Variants in AXIN1 observed in about 807,000 individuals in gnomAD.
AXIN1 encodes the protein axin 1.
A neutral mutation model predicts 76.4 loss-of-function variants in AXIN1; 30 were observed. The observed-to-expected ratio is 0.39, with a 90% CI of 0.29 to 0.53. The LOEUF is 0.53. AXIN1 is among the 20% of genes least tolerant of loss of function. The pLI is 0.66. For missense variants in AXIN1, 1,140 were observed against 1,198.8 expected, an observed-to-expected ratio of 0.95 and a Z score of 0.72; for synonymous variants, 545 against 501.4, an observed-to-expected ratio of 1.09 and a Z score of -1.16.
intron 2 of AXIN1, among the ~76,000 whole-genome samples, chr16:343,528 C>T (rs1295090359): frequency 1.3e-5 from 2 of 150,594 alleles, no homozygotes; most frequent in African/African-American, 4.9e-5. Context: ...GTGGTAAAAC[C>T]CCATCTCTAC....
At chr16:341,784 G>C (rs1467301069) in intron 2 of AXIN1, among the ~76,000 whole-genome samples, 1 of 152,248 alleles carries the variant, frequency 6.6e-6, no homozygotes, top group Non-Finnish European at 1.5e-5. Flanking sequence ...TCTGTATCTA[G>C]CACAAGGTTT....
chr16:349,631 G>A (rs181670179), intron 1 of AXIN1, among the ~76,000 whole-genome samples: 17 of 152,290 alleles, frequency 1.1e-4, no homozygotes, highest in Admixed American at 1.1e-3. Context: ...GGGACCCACA[G>A]CACCCAGCAC....
chr16:308,176 T>G (rs1361822013), intron 4 of AXIN1, among the ~76,000 whole-genome samples: 1 of 152,212 alleles, frequency 6.6e-6, no homozygotes, highest in Non-Finnish European at 1.5e-5. Context: ...GGCTTTCATC[T>G]TCCTGGCGAC....
intron 2 of AXIN1, among the ~76,000 whole-genome samples, chr16:333,193 G>A (rs2053729311): frequency 6.6e-6 from 1 of 152,088 alleles, no homozygotes; most frequent in Non-Finnish European, 1.5e-5. Flanking sequence ...TTAGCTGGGT[G>A]TGGTGGCGCA....
chr16:300,783 G>C (rs773205024), intron 5 of AXIN1, among the ~76,000 whole-genome samples: 51 of 152,152 alleles, frequency 3.4e-4, no homozygotes, highest in Non-Finnish European at 6.5e-4. Flanking sequence ...GGGCACTCTG[G>C]GGAGAAATCT....
chr16:291,632 G>A, intron 8 of AXIN1: 1 of 414,948 alleles, frequency 2.4e-6, no homozygotes, highest in Non-Finnish European at 4.6e-6. Context: ...CCGAGAGTCT[G>A]TCCTTCAGTC....
In AXIN1 at chr16:344,469, CTTT is replaced by C. The variant is rs1234206670; in HGVS notation, c.878+1676_878+1678del. ...AATTAACCAATTAACCTACACAATC[CTTT>C]TTTGTTTTTTTTTTGTTTTTTTTCT... On this transcript the variant is annotated intron_variant, in intron 2 of 10. Coordinates refer to ENST00000262320, the MANE Select transcript of AXIN1 (RefSeq NM_003502.4). Among the ~76,000 whole-genome samples, 5 of 140,574 alleles carry C rather than the reference CTTT, an allele frequency of 3.6e-5. No individual in the cohort carries two copies. In the East Asian group the frequency reaches 1.0e-3, roughly 29 times the overall value. 92.2% of individuals were successfully genotyped at this position (140,574 alleles called of 152,430 possible).
At chr16:317,813 G>T (rs916233214) in intron 2 of AXIN1, among the ~76,000 whole-genome samples, 5 of 152,168 alleles carry the variant, frequency 3.3e-5, no homozygotes, top group Non-Finnish European at 7.3e-5. Flanking sequence ...TATTATCACT[G>T]TAACAACCAC....
Position 287,932 on chromosome 16 carries a change from G to T in AXIN1, c.*190C>A. Reference sequence around the variant, plus strand: ...AGTGGTCCAGGCTGCCTCCTTGGGGGCAGGACAGAAGCTTGTGGACCACTT... The same window carrying T: ...AGTGGTCCAGGCTGCCTCCTTGGGGTCAGGACAGAAGCTTGTGGACCACTT... On this transcript the variant is annotated 3_prime_UTR_variant, in exon 11 of 11. Coordinates refer to ENST00000262320, the MANE Select transcript of AXIN1 (RefSeq NM_003502.4). The T allele has an allele frequency of 1.1e-6, 1 of 909,304 alleles. No individual in the cohort carries two copies. Among genetic ancestry groups the T allele is most frequent in the Non-Finnish European group, 1.7e-6 (1 of 577,670 alleles). The allele number at this position is 909,304 out of a possible 1,614,324, so 56.3% of individuals were successfully genotyped here. A position where few individuals can be genotyped will look rare whatever the true frequency, so the allele number is the denominator to read the frequency against.
chr16:301,127 C>T (rs954172237), intron 5 of AXIN1, among the ~76,000 whole-genome samples: 6 of 151,984 alleles, frequency 3.9e-5, no homozygotes, highest in African/African-American at 7.2e-5. Flanking sequence ...AAAAATTAGC[C>T]GGGCGTGATG....
At chr16:294,933 G>A (rs1374594774) in intron 7 of AXIN1, among the ~76,000 whole-genome samples, 2 of 150,558 alleles carry the variant, frequency 1.3e-5, no homozygotes, top group South Asian at 2.1e-4. Context: ...GCGTGGTGGC[G>A]GGCGCCTGCA....
intron 2 of AXIN1, among the ~76,000 whole-genome samples, chr16:326,543 T>C (rs963937694): frequency 4.7e-5 from 7 of 150,384 alleles, no homozygotes; most frequent in African/African-American, 1.7e-4. Context: ...GATCAAGAGA[T>C]TGAGACCATC....
chr16:302,234 A>G (rs1272453187), intron 5 of AXIN1, among the ~76,000 whole-genome samples: 1 of 152,196 alleles, frequency 6.6e-6, no homozygotes, highest in Non-Finnish European at 1.5e-5. Flanking sequence ...ATATTGGAGG[A>G]CAAATTCCCT....
intron 5 of AXIN1, among the ~76,000 whole-genome samples, chr16:299,885 G>A (rs1334031007): frequency 6.7e-6 from 1 of 148,392 alleles, no homozygotes; most frequent in African/African-American, 2.5e-5. Flanking sequence ...TCGATCTCCC[G>A]ACCTCGTGAT....
intron 2 of AXIN1, among the ~76,000 whole-genome samples, chr16:318,833 G>T (rs545359676): frequency 8.9e-6 from 1 of 111,944 alleles, no homozygotes; most frequent in Admixed American, 9.0e-5. Flanking sequence ...GGCTGTGTGC[G>T]GTGAGAATGC....
chr16:291,885 C>T (rs2858002), intron 8 of AXIN1: 29,915 of 164,446 alleles, frequency 0.18, 3,012 homozygotes, highest in Non-Finnish European at 0.21. Context: ...GCCTTCACTC[C>T]GTCTCCACAG....
intron 2 of AXIN1, among the ~76,000 whole-genome samples, chr16:327,617 C>T (rs115777569): frequency 1.3e-5 from 2 of 152,236 alleles, no homozygotes; most frequent in Non-Finnish European, 2.9e-5. Context: ...GCAGCACAGG[C>T]GGGGCAGCCC....
intron 1 of AXIN1, among the ~76,000 whole-genome samples, chr16:347,568 G>C (rs1036978250): frequency 1.3e-5 from 2 of 152,234 alleles, no homozygotes; most frequent in African/African-American, 4.8e-5. Context: ...GCAACACTCA[G>C]AGAGAAAGGA....
At chr16:326,253 C>G (rs186068886) in intron 2 of AXIN1, among the ~76,000 whole-genome samples, 1 of 149,160 alleles carries the variant, frequency 6.7e-6, no homozygotes, top group Non-Finnish European at 1.5e-5. Flanking sequence ...ACTCGGGAGG[C>G]TGAGTCAGGA....
Sources: gnomAD v4.1 joint callset for allele counts (sites outside exome capture counted in the v4.1 genomes callset) on GRCh38, gnomAD v4.1.1 for gene constraint, MANE v1.5 for transcripts, NCBI Gene and HGNC (gene_info 2026-07-23, HGNC 2026-07-21) for gene names.